Variants in MRPS6 observed in about 807,000 individuals in gnomAD.
MRPS6 encodes the protein small ribosomal subunit protein bS6m.
A neutral mutation model predicts 13.1 loss-of-function variants in MRPS6; 6 were observed. The ratio of observed to expected loss-of-function variants is 0.46; its 90% confidence interval spans 0.25 to 0.91. The LOEUF is 0.91. Ranked by LOEUF, MRPS6 falls within the 40% of genes least tolerant of loss-of-function variation. The pLI is 0.18. For synonymous variants in MRPS6, 61 were observed against 56.5 expected (o/e 1.08, Z -0.36); for missense variants, 164 against 155.6 (o/e 1.05, Z -0.29).
chr21:34,092,604 A>G (rs910227422), intron 1 of MRPS6, among the ~76,000 whole-genome samples: 1 of 152,218 alleles, frequency 6.6e-6, no homozygotes, highest in African/African-American at 2.4e-5. Flanking sequence ...TATAGCTTCT[A>G]TATTTACCTT....
intron 1 of MRPS6, among the ~76,000 whole-genome samples, chr21:34,086,579 G>A (rs1028260317): frequency 2.6e-5 from 4 of 151,340 alleles, no homozygotes; most frequent in Middle Eastern, 6.9e-3. Flanking sequence ...AAAAGGATGC[G>A]TTCTTCATCT....
intron 2 of MRPS6, among the ~76,000 whole-genome samples, chr21:34,128,391 AC>A (rs1379369620): frequency 6.6e-6 from 1 of 151,994 alleles, no homozygotes; most frequent in Non-Finnish European, 1.5e-5. Context: ...CCGCCTTATC[AC>A]GTACATGCCC....
chr21:34,103,559 A>C (rs2148662337), intron 1 of MRPS6: 1 of 1,000,236 alleles, frequency 1.0e-6, no homozygotes, highest in South Asian at 4.7e-5. Flanking sequence ...AGAAAGCTAA[A>C]GTCCATAGAA....
chr21:34,074,569 G>A (rs1397952264), intron 1 of MRPS6, among the ~76,000 whole-genome samples: 3 of 152,238 alleles, frequency 2.0e-5, no homozygotes, highest in Non-Finnish European at 4.4e-5. Context: ...CGGCCCGGAG[G>A]CAGCTCACTT....
At chr21:34,136,022 T>G in intron 2 of MRPS6, 1 of 281,390 alleles carries the variant, frequency 3.6e-6, no homozygotes, top group Non-Finnish European at 6.9e-6. Context: ...CCCAAAGAGC[T>G]TGGTGTCAGG....
chr21:34,118,557 C>CTTTCTTTCTT (rs1556008872), intron 1 of MRPS6, among the ~76,000 whole-genome samples: 6 of 133,158 alleles, frequency 4.5e-5, no homozygotes, highest in South Asian at 2.4e-4. Context: ...TTCTTTCTTT[C>CTTTCTTTCTT]TTTTTTTTTT....
intron 1 of MRPS6, among the ~76,000 whole-genome samples, chr21:34,085,377 T>A (rs1285903105): frequency 6.6e-6 from 1 of 152,202 alleles, no homozygotes; most frequent in Non-Finnish European, 1.5e-5. Flanking sequence ...GTCATTTGGT[T>A]AGGTGGCATT....
chr21:34,081,033 C>A (rs955699402), intron 1 of MRPS6, among the ~76,000 whole-genome samples: 1 of 152,030 alleles, frequency 6.6e-6, no homozygotes, highest in Non-Finnish European at 1.5e-5. Context: ...TTCCTGAAAA[C>A]CAAGTTGGAT....
chr21:34,118,651 A>G (rs887884177), intron 1 of MRPS6, among the ~76,000 whole-genome samples: 1 of 148,860 alleles, frequency 6.7e-6, no homozygotes, highest in African/African-American at 2.5e-5. Context: ...AGTAGTTGGG[A>G]CTACAGGCAT....
chr21:34,125,271 T>G (rs1413975670), intron 1 of MRPS6, 70 bp from the exon 2 acceptor site: 47 of 1,572,366 alleles, frequency 3.0e-5, no homozygotes, highest in Non-Finnish European at 4.0e-5. Context: ...TGAGCAGACT[T>G]AATCATTCTA....
chr21:34,107,742 C>T (rs1054273540), intron 1 of MRPS6, among the ~76,000 whole-genome samples: 3 of 152,128 alleles, frequency 2.0e-5, no homozygotes, highest in African/African-American at 7.2e-5. Flanking sequence ...CATTATTTTG[C>T]TTAGATGTTT....
chr21:34,096,981 A>T lies in MRPS6; in HGVS notation c.45+23236A>T. 1 of 1,614,116 alleles carries T rather than the reference A, an allele frequency of 6.2e-7. No homozygotes were observed. The highest frequency in any genetic ancestry group is 8.5e-7 in the Non-Finnish European group (1 of 1,179,974). On this transcript the variant is annotated intron_variant, in intron 1 of 2. Transcript: ENST00000399312. The surrounding 1 kb of genome is among the most constrained non-coding windows in gnomAD (Gnocchi z 5.9). ...TCCCAACGGGAAATCTGAAGACAGCATTAAGGGCCTTCAGCCTGAAGATGT... is the reference window on the plus strand; with the variant it reads ...TCCCAACGGGAAATCTGAAGACAGCTTTAAGGGCCTTCAGCCTGAAGATGT...
rs185699840 is a variant in MRPS6 at position 34,074,312 on chromosome 21, T to C, written c.45+567T>C. 3.7e-3 allele frequency among the ~76,000 whole-genome samples: 559 copies of C among 152,292 alleles called. 1 individual carries two copies. The highest frequency in any genetic ancestry group is 0.012 in the African/African-American group (515 of 41,570). ...TGCCGTTGTCTGTATTCCAGTCTCT[T>C]GCAATCGCTCTCATGTTAAAAAAAA... On this transcript the variant is annotated intron_variant, in intron 1 of 2. Coordinates refer to ENST00000399312, the MANE Select transcript of MRPS6 (RefSeq NM_032476.4).
intron 2 of MRPS6, among the ~76,000 whole-genome samples, chr21:34,140,189 C>T (rs1980860359): frequency 6.7e-6 from 1 of 148,554 alleles, no homozygotes. Flanking sequence ...TTCCTAGTTT[C>T]TTAAAGTAGA....
chr21:34,129,411 T>A (rs1980422866), intron 2 of MRPS6, among the ~76,000 whole-genome samples: 1 of 152,174 alleles, frequency 6.6e-6, no homozygotes. Flanking sequence ...TTTATGGCAG[T>A]GAGATTGGGC....
Position 34,142,747 on chromosome 21 carries a change from C to T in MRPS6, c.*147C>T. On this transcript the variant is annotated 3_prime_UTR_variant, in exon 3 of 3. Coordinates refer to ENST00000399312, the MANE Select transcript of MRPS6 (RefSeq NM_032476.4). ...TTCTAAGGTATTTTTAGCCCTTGATCCCCTTTGCTTGCGAGAGGTGGGGAA... is the reference window on the plus strand; with the variant it reads ...TTCTAAGGTATTTTTAGCCCTTGATTCCCTTTGCTTGCGAGAGGTGGGGAA... The T allele has an allele frequency of 1.0e-6, 1 of 963,658 alleles. No individual in the cohort carries two copies. Among genetic ancestry groups the T allele is most frequent in the Non-Finnish European group, 1.4e-6 (1 of 700,262 alleles). The allele number at this position is 963,658 out of a possible 1,614,324, so 59.7% of individuals were successfully genotyped here.
intron 1 of MRPS6, among the ~76,000 whole-genome samples, chr21:34,089,002 TA>T (rs898150038): frequency 1.3e-5 from 2 of 152,176 alleles, no homozygotes; most frequent in Non-Finnish European, 2.9e-5. Flanking sequence ...GATTACATAG[TA>T]ATAGGCATTG....
chr21:34,105,917 A>C (rs1391898977), intron 1 of MRPS6: 13 of 988,112 alleles, frequency 1.3e-5, no homozygotes, highest in Non-Finnish European at 1.6e-5. Flanking sequence ...TGTCTATTCT[A>C]ACCTATTGTG....
At chr21:34,135,501 C>A in intron 2 of MRPS6, 1 of 505,286 alleles carries the variant, frequency 2.0e-6, no homozygotes. Flanking sequence ...TGGAGGAGCC[C>A]TTGGTGGCAG....
Sources: allele counts gnomAD v4.1 joint callset (sites outside exome capture counted in the v4.1 genomes callset), GRCh38; gene constraint gnomAD v4.1.1; non-coding constraint Gnocchi (gnomAD v3.1); transcripts MANE v1.5; gene names NCBI Gene and HGNC (gene_info 2026-07-23, HGNC 2026-07-21).